Variants in SVIL observed in about 807,000 individuals in gnomAD.
SVIL encodes supervillin, also known as archvillin.
Under a neutral mutation model 240.4 loss-of-function variants are expected in SVIL, and 101 were observed. The observed-to-expected ratio is 0.42, with a 90% CI of 0.36 to 0.50. The LOEUF is 0.50. Among genes scored for constraint, SVIL ranks in the 20% least tolerant of loss-of-function variants. The probability of loss-of-function intolerance (pLI) is 0.01; values close to 1 mark genes in which losing one functional copy is unlikely to be tolerated. For synonymous variants in SVIL, 999 were observed against 1,100.0 expected (o/e 0.91, Z 1.82); for missense variants, 2,512 against 2,818.7 (o/e 0.89, Z 2.46).
chr10:29,511,912 T>G (rs1243814213), intron 17 of SVIL, among the ~76,000 whole-genome samples: 1 of 152,220 alleles, frequency 6.6e-6, no homozygotes, highest in Non-Finnish European at 1.5e-5. Context: ...TTAACTTATT[T>G]TAGAGCTAGA....
rs145560264 is a variant in SVIL, at chr10:29,473,900, C to A, written c.5467G>T (p.Val1823Leu). 4 of 1,614,058 alleles carry A rather than the reference C, an allele frequency of 2.5e-6. No individual in the cohort carries two copies. The highest frequency in any genetic ancestry group is 3.4e-6 in the Non-Finnish European group (4 of 1,180,002). ...AGCGCCGACGTGCCCTTCTCACTCA[C>A]GGTGGAGTGCCGGCCTTGCCAGAAG... ...YFFWQGRHST[V>L]SEKGTSALMT... The change falls in exon 30 of 38, where the codon GTG becomes TTG. Residue 1823 changes from valine to leucine, a missense_variant. Around this residue, in one of 3 missense-constraint regions of SVIL, gnomAD observed 797 missense variants for 925.3 expected, o/e 0.86. Transcript: ENST00000355867.
chr10:29,545,853 CAAAAAAAAAAAAAAA>C (rs755360700), intron 6 of SVIL, among the ~76,000 whole-genome samples: 6 of 63,592 alleles, frequency 9.4e-5, no homozygotes, highest in Admixed American at 1.5e-4. Flanking sequence ...GACTCTGTCT[CAAAAAAAAAAAAAAA>C]AAAAAAAAAA....
intron 1 of SVIL, among the ~76,000 whole-genome samples, chr10:29,712,713 A>T (rs1963372375): frequency 6.6e-6 from 1 of 152,212 alleles, no homozygotes; most frequent in African/African-American, 2.4e-5. Context: ...ATGTTATCAG[A>T]CTCAACACTG....
Position 29,595,454 on chromosome 10 carries a change from G to A in SVIL, c.-200-26142C>T, listed in dbSNP as rs74644723. Among the ~76,000 whole-genome samples, 25 of 152,314 alleles carry A rather than the reference G, an allele frequency of 1.6e-4. No individual in the cohort carries two copies. In the East Asian group the frequency reaches 4.8e-3, roughly 29 times the overall value. On this transcript the variant is annotated intron_variant, in intron 1 of 37. Coordinates refer to ENST00000355867, the MANE Select transcript of SVIL (RefSeq NM_021738.3). ...ACAGAAAGGCACGTGCCCAGTGAGG[G>A]AGAAGTGCCCTGACAGCAACAACAC...
chr10:29,643,974 C>G (rs1291248232), intron 3 of SVIL: 1 of 518,348 alleles, frequency 1.9e-6, no homozygotes. Context: ...TCTCACACGG[C>G]TGGAGCAACA....
chr10:29,465,244 A>G (rs904765265), intron 34 of SVIL, among the ~76,000 whole-genome samples: 6 of 152,102 alleles, frequency 3.9e-5, no homozygotes, highest in African/African-American at 1.4e-4. Context: ...TAATGGCTGG[A>G]GCAATGGCAG....
intron 3 of SVIL, among the ~76,000 whole-genome samples, chr10:29,642,178 C>T (rs763483354): frequency 6.6e-6 from 1 of 152,086 alleles, no homozygotes. Flanking sequence ...GCAGATGGCT[C>T]ACCTGAGGTC....
chr10:29,563,178 T>C, intron 3 of SVIL, 23 bp downstream of exon 3: 1 of 888,256 alleles, frequency 1.1e-6, no homozygotes, highest in East Asian at 1.2e-4. Flanking sequence ...CAGACATGGT[T>C]GGTCACTTAG....
intron 3 of SVIL, among the ~76,000 whole-genome samples, chr10:29,556,451 C>T (rs996943266): frequency 7.9e-5 from 12 of 152,184 alleles, no homozygotes; most frequent in African/African-American, 2.9e-4. Flanking sequence ...CACATGCACG[C>T]ATACACACAC....
At chr10:29,529,615 C>T (rs1951207827) in intron 12 of SVIL, 90 bp downstream of exon 12, 1 of 1,417,386 alleles carries the variant, frequency 7.1e-7, no homozygotes, top group South Asian at 1.6e-5. Context: ...ATCACCTCCC[C>T]AATGCCTCAT....
At chr10:29,542,152 T>C (rs1450795673) in intron 6 of SVIL, among the ~76,000 whole-genome samples, 2 of 152,242 alleles carry the variant, frequency 1.3e-5, no homozygotes, top group South Asian at 2.1e-4. Flanking sequence ...GAGTGTCTCA[T>C]AGTTGTGTGC....
intron 29 of SVIL, among the ~76,000 whole-genome samples, chr10:29,474,972 C>T (rs1045010449): frequency 3.9e-5 from 6 of 152,210 alleles, no homozygotes; most frequent in African/African-American, 1.4e-4. Flanking sequence ...TGGAACTGCA[C>T]AGGCACTCGG....
At chr10:29,605,615 T>G (rs2132854740) in intron 1 of SVIL, among the ~76,000 whole-genome samples, 1 of 151,796 alleles carries the variant, frequency 6.6e-6, no homozygotes, top group East Asian at 1.9e-4. Flanking sequence ...ATTAGCCATT[T>G]GTTTGTGATG....
At chr10:29,736,675 C>G (rs556480495), upstream of SVIL, 3 of 152,454 alleles carry the variant, frequency 2.0e-5, no homozygotes, top group Non-Finnish European at 2.9e-5. Context: ...CACCTTCCCC[C>G]CCGTCTCACC....
intron 29 of SVIL, among the ~76,000 whole-genome samples, chr10:29,475,921 G>T (rs920493706): frequency 2.0e-5 from 3 of 152,204 alleles, no homozygotes; most frequent in Non-Finnish European, 4.4e-5. Context: ...AAGGTAGGGG[G>T]TCATATTTAT....
chr10:29,525,374 A>G (rs1465531385), intron 13 of SVIL, among the ~76,000 whole-genome samples: 1 of 152,156 alleles, frequency 6.6e-6, no homozygotes, highest in African/African-American at 2.4e-5. Flanking sequence ...ATATCTATGG[A>G]AGGCCAAGGC....
intron 1 of SVIL, among the ~76,000 whole-genome samples, chr10:29,695,360 G>A (rs1961845078): frequency 6.6e-6 from 1 of 152,094 alleles, no homozygotes; most frequent in Admixed American, 6.5e-5. Context: ...ACTAAATGAG[G>A]GGTACACTAA....
chr10:29,642,766 C>T (rs1248405884), intron 3 of SVIL, among the ~76,000 whole-genome samples: 2 of 152,128 alleles, frequency 1.3e-5, no homozygotes, highest in Non-Finnish European at 2.9e-5. Context: ...TCACTGCAGC[C>T]TCCACCTGCT....
chr10:29,506,714 ATAGAGACTCTACGAAGGAGG>A (rs1564535252), intron 17 of SVIL, among the ~76,000 whole-genome samples: 9 of 109,668 alleles, frequency 8.2e-5, no homozygotes, highest in African/African-American at 2.9e-4. Flanking sequence ...GAGGGAGGGG[ATAGAGACTCTACGAAGGAGG>A]GGACAGAGGC....
Sources: gnomAD v4.1 joint callset for allele counts (sites outside exome capture counted in the v4.1 genomes callset) on GRCh38, gnomAD v4.1.1 for gene constraint, gnomAD v4.1.1 regional missense constraint, MANE v1.5 for transcripts, NCBI Gene and HGNC (gene_info 2026-07-23, HGNC 2026-07-21) for gene names.